The following ZDHHC11 variants were observed in gnomAD, a reference collection of about 807,000 sequenced individuals.
ZDHHC11 encodes zDHHC palmitoyltransferase 11, also known as palmitoyltransferase ZDHHC11.
A neutral mutation model predicts 51.3 loss-of-function variants in ZDHHC11; 44 were observed. The ratio of observed to expected loss-of-function variants is 0.86; its 90% CI spans 0.67 to 1.10. The LOEUF (loss-of-function observed/expected upper bound fraction) is 1.10, where lower values mean the gene tolerates loss of function less well. Ranked by LOEUF, ZDHHC11 falls within the 50% of genes least tolerant of loss-of-function variation. The pLI, the probability that ZDHHC11 is intolerant of heterozygous loss-of-function variation, is 0.00. For synonymous variants in ZDHHC11, 163 were observed against 222.0 expected (o/e 0.73, Z 2.36); for missense variants, 400 against 537.7 (o/e 0.74, Z 2.53).
intron 4 of ZDHHC11, 91 bp from the exon 5 acceptor site, chr5:840,741 G>C: frequency 6.3e-7 from 1 of 1,586,258 alleles, no homozygotes; most frequent in Non-Finnish European, 8.6e-7. Context: ...GCTGGGGATG[G>C]GGCGGTGTGG....
chr5:804,708 G>A lies in ZDHHC11; in HGVS notation c.1182-3544C>T, dbSNP rs759350738. Reference sequence around the variant, plus strand: ...AGGCAGTGGGGTGACATAGTTAAATGCCCTGGAAGGTGGAAAATACCTGTC... The same window carrying A: ...AGGCAGTGGGGTGACATAGTTAAATACCCTGGAAGGTGGAAAATACCTGTC... On this transcript the variant is annotated intron_variant, in intron 11 of 12. Coordinates refer to ENST00000283441, the MANE Select transcript of ZDHHC11 (RefSeq NM_024786.3). Among the ~76,000 whole-genome samples the A allele has an allele frequency of 1.9e-4, 28 of 151,232 alleles. 3 individuals are homozygous for A. Among genetic ancestry groups the A allele is most frequent in the Non-Finnish European group, 3.0e-4 (20 of 67,666 alleles).
chr5:840,487 G>C lies in ZDHHC11; in HGVS notation c.784+8C>G. 1.2e-6 allele frequency: 2 copies of C among 1,613,486 alleles called. No individual in the cohort carries two copies. The highest frequency in any genetic ancestry group is 2.2e-5 in the East Asian group (1 of 44,892). ...GGGGGGATCGGGGGCTTAGGGTGGG[G>C]GACATACTCAGGTAGATGTGGAAGA... On this transcript the variant is annotated splice_region_variant and intron_variant, in intron 5 of 12. Coordinates refer to ENST00000283441, the MANE Select transcript of ZDHHC11 (RefSeq NM_024786.3).
intron 6 of ZDHHC11, among the ~76,000 whole-genome samples, chr5:837,102 C>A (rs28544488): frequency 0.18 from 25,593 of 143,932 alleles, 734 homozygotes; most frequent in African/African-American, 0.37. Context: ...GAAGATGTAT[C>A]GTGCAGTATA....
At chr5:858,717 G>C (rs1398952106) in intron 1 of ZDHHC11, among the ~76,000 whole-genome samples, 2 of 152,100 alleles carry the variant, frequency 1.3e-5, no homozygotes, top group Non-Finnish European at 2.9e-5. Context: ...CCCCACAGTG[G>C]AAACGGCCTT....
upstream of ZDHHC11, among the ~76,000 whole-genome samples, chr5:855,287 C>G (rs546570453): frequency 1.6e-4 from 22 of 139,096 alleles, no homozygotes; most frequent in South Asian, 7.1e-4. Context: ...GCCAGGGAGA[C>G]AGATCCCACA....
At chr5:829,925 C>A (rs1312124810) in intron 7 of ZDHHC11, among the ~76,000 whole-genome samples, 1 of 151,226 alleles carries the variant, frequency 6.6e-6, no homozygotes, top group African/African-American at 2.4e-5. Flanking sequence ...AAGCATCTGA[C>A]AAACTCTGCC....
chr5:816,656 C>T (rs1477173379), intron 10 of ZDHHC11: 8 of 624,930 alleles, frequency 1.3e-5, no homozygotes, highest in Non-Finnish European at 2.5e-5. Flanking sequence ...TTATATGCAT[C>T]CCTTTCCAGA....
chr5:828,584 G>C (rs1742655713), intron 7 of ZDHHC11, among the ~76,000 whole-genome samples: 1 of 151,356 alleles, frequency 6.6e-6, no homozygotes, highest in Non-Finnish European at 1.5e-5. Context: ...GATAGCACTA[G>C]ACAGGTCATC....
At chr5:840,692 A>G (rs373080327) in intron 4 of ZDHHC11, 42 bp from the exon 5 acceptor site, 4 of 1,611,188 alleles carry the variant, frequency 2.5e-6, no homozygotes, top group Non-Finnish European at 3.4e-6. Context: ...GCACCTGCTG[A>G]CGGGTGCCAC....
rs1411008929 is a variant in ZDHHC11 at position 841,896 on chromosome 5, G to A, written c.629-1246C>T. Reference sequence around the variant, plus strand: ...TGTCTTTCGGTGACAGACCCTCTCTGGAACTGGTGGCCTCGGGGCCATCCT... The same window carrying A: ...TGTCTTTCGGTGACAGACCCTCTCTAGAACTGGTGGCCTCGGGGCCATCCT... On this transcript the variant is annotated intron_variant, in intron 4 of 12. Coordinates refer to ENST00000283441, the MANE Select transcript of ZDHHC11 (RefSeq NM_024786.3). The A allele has an allele frequency of 1.8e-5, 18 of 989,590 alleles. No individual in the cohort carries two copies. The African/African-American group carries it at 2.6e-4, about 14-fold the overall frequency. 61.3% of individuals were successfully genotyped at this position (989,590 alleles called of 1,614,324 possible). A position where few individuals can be genotyped will look rare whatever the true frequency, so the allele number is the denominator to read the frequency against.
At chr5:846,639 C>T (rs1409900432) in intron 3 of ZDHHC11, among the ~76,000 whole-genome samples, 8 of 148,578 alleles carry the variant, frequency 5.4e-5, no homozygotes, top group East Asian at 1.9e-4. Flanking sequence ...CTTGCGCCTC[C>T]ACCGTGCTCA....
chr5:825,293 G>T (rs1354523970), intron 7 of ZDHHC11, 42 bp from the exon 8 acceptor site: 1 of 1,594,608 alleles, frequency 6.3e-7, no homozygotes. Flanking sequence ...TCTCAGCTTT[G>T]TAGGGGGACT....
At chr5:856,289 C>A (rs1340544851) in intron 1 of ZDHHC11, among the ~76,000 whole-genome samples, 1 of 146,050 alleles carries the variant, frequency 6.8e-6, no homozygotes, top group African/African-American at 2.7e-5. Context: ...ACACAAAACA[C>A]AACACACACA....
rs1227918021 is a variant in ZDHHC11, at chr5:847,411, G to A, written c.503+103C>T. The A allele has an allele frequency of 7.9e-6, 12 of 1,522,664 alleles. No individual in the cohort carries two copies. The Admixed American group carries it at 9.2e-5, about 12-fold the overall frequency. The allele number at this position is 1,522,664 out of a possible 1,614,324, so 94.3% of individuals were successfully genotyped here. A position where few individuals can be genotyped will look rare whatever the true frequency, so the allele number is the denominator to read the frequency against. On this transcript the variant is annotated intron_variant, in intron 3 of 12. Coordinates refer to ENST00000283441, the MANE Select transcript of ZDHHC11 (RefSeq NM_024786.3). ...TCAGGACAGGGACGCGGCCCCAAGA[G>A]GACCCTCCACCCTTTCAACACGATG...
chr5:844,416 C>T (rs1248930180), intron 3 of ZDHHC11, among the ~76,000 whole-genome samples: 4 of 152,300 alleles, frequency 2.6e-5, no homozygotes, highest in East Asian at 1.9e-4. Context: ...AGCCTACCAG[C>T]GGAGCATGAG....
chr5:859,220 CA>C (rs986072028), upstream of ZDHHC11, among the ~76,000 whole-genome samples: 2 of 152,148 alleles, frequency 1.3e-5, no homozygotes, highest in African/African-American at 4.8e-5. Flanking sequence ...GGATGGGCCC[CA>C]ATGCCTGCTT....
At chr5:823,149 G>A (rs868807795) in intron 8 of ZDHHC11, among the ~76,000 whole-genome samples, 19 of 151,312 alleles carry the variant, frequency 1.3e-4, no homozygotes, top group African/African-American at 1.7e-4. Context: ...AAATGTATCC[G>A]TTTTGTGAAA....
At chr5:821,813 A>G (rs1489377727) in intron 9 of ZDHHC11, 48 bp downstream of exon 9, 2 of 1,521,186 alleles carry the variant, frequency 1.3e-6, no homozygotes, top group African/African-American at 1.4e-5. Flanking sequence ...CGAGTGTATA[A>G]CTATGTTACT....
chr5:853,644 G>GC (rs1747663463), upstream of ZDHHC11, among the ~76,000 whole-genome samples: 1 of 135,980 alleles, frequency 7.4e-6, no homozygotes, highest in African/African-American at 2.8e-5. Flanking sequence ...AAGCCAGGGG[G>GC]ACAGACCCCA....
Sources: gnomAD v4.1 joint callset for allele counts (sites outside exome capture counted in the v4.1 genomes callset) on GRCh38, gnomAD v4.1.1 for gene constraint, MANE v1.5 for transcripts, NCBI Gene and HGNC (gene_info 2026-07-23, HGNC 2026-07-21) for gene names.